Variants in ANKH observed in about 807,000 individuals in gnomAD.
The protein encoded by ANKH is ANKH inorganic pyrophosphate transport regulator.
ANKH carries 15 observed loss-of-function variants against 49.0 expected under a neutral mutation model. The ratio of observed to expected loss-of-function variants is 0.31; its 90% CI spans 0.20 to 0.47. ANKH has a LOEUF of 0.47. Among genes scored for constraint, ANKH ranks in the 20% least tolerant of loss-of-function variants. The probability of loss-of-function intolerance (pLI) is 1.00; values close to 1 mark genes in which losing one functional copy is unlikely to be tolerated. For synonymous variants in ANKH, 273 were observed against 260.0 expected (o/e 1.05, Z -0.48); for missense variants, 429 against 652.0 (o/e 0.66, Z 3.72).
intron 1 of ANKH, among the ~76,000 whole-genome samples, chr5:14,828,866 G>T (rs1398957059): frequency 2.0e-5 from 3 of 152,124 alleles, no homozygotes; most frequent in African/African-American, 7.2e-5. Flanking sequence ...TTACTCAAGA[G>T]AATTTCTTAC....
chr5:14,791,280 AG>A (rs1009980895), intron 1 of ANKH, among the ~76,000 whole-genome samples: 22 of 152,244 alleles, frequency 1.4e-4, no homozygotes, highest in Admixed American at 2.0e-4. Flanking sequence ...AGTCTGAAAG[AG>A]GTGGCCATGT....
intron 4 of ANKH, among the ~76,000 whole-genome samples, chr5:14,753,989 C>T (rs933753705): frequency 6.6e-6 from 1 of 152,132 alleles, no homozygotes; most frequent in Non-Finnish European, 1.5e-5. Flanking sequence ...ACCTAACAAA[C>T]GTTTTCAGGT....
chr5:14,731,920 C>T (rs1014448880), intron 8 of ANKH, among the ~76,000 whole-genome samples: 6 of 152,178 alleles, frequency 3.9e-5, no homozygotes, highest in South Asian at 2.1e-4. Flanking sequence ...ACGAGACACA[C>T]GGGAGGCCCA....
At chr5:14,751,832 G>C (rs117376367) in intron 4 of ANKH, among the ~76,000 whole-genome samples, 1 of 152,102 alleles carries the variant, frequency 6.6e-6, no homozygotes, top group Admixed American at 6.5e-5. Context: ...GCATTTCAAA[G>C]TACTTTGCAT....
intron 8 of ANKH, among the ~76,000 whole-genome samples, chr5:14,722,202 C>T (rs1451050900): frequency 6.6e-6 from 1 of 152,100 alleles, no homozygotes; most frequent in East Asian, 1.9e-4. Flanking sequence ...TGCTGTGTTC[C>T]TCAAATATTT....
At chr5:14,731,714 G>C (rs1467211943) in intron 8 of ANKH, among the ~76,000 whole-genome samples, 1 of 152,256 alleles carries the variant, frequency 6.6e-6, no homozygotes, top group African/African-American at 2.4e-5. Context: ...GAAGGGCCCA[G>C]TCCTTGACTG....
chr5:14,828,211 G>A (rs1004021752), intron 1 of ANKH, among the ~76,000 whole-genome samples: 1 of 152,210 alleles, frequency 6.6e-6, no homozygotes, highest in Admixed American at 6.5e-5. Context: ...CAAGCTTCTG[G>A]CTGGGAGTGG....
At chr5:14,749,429 A>G in intron 5 of ANKH, 123 bp from the exon 6 acceptor site, 2 of 1,110,860 alleles carry the variant, frequency 1.8e-6, no homozygotes, top group Non-Finnish European at 2.7e-6. Context: ...CTTGAAAGTA[A>G]TATAAGGAAA....
intron 1 of ANKH, among the ~76,000 whole-genome samples, chr5:14,831,253 CATTCCTATTG>C (rs760383920): frequency 5.9e-5 from 9 of 152,126 alleles, no homozygotes; most frequent in Non-Finnish European, 1.0e-4. Flanking sequence ...CAACCCTCTG[CATTCCTATTG>C]GAGGAATTCT....
At chr5:14,817,898 T>C (rs113719725) in intron 1 of ANKH, among the ~76,000 whole-genome samples, 3,470 of 152,112 alleles carry the variant, frequency 0.023, 59 homozygotes, top group Middle Eastern at 0.068. Context: ...ACCCCATCTC[T>C]ACTAAAAATA....
chr5:14,722,399 T>A (rs1737699218), intron 8 of ANKH, among the ~76,000 whole-genome samples: 1 of 152,202 alleles, frequency 6.6e-6, no homozygotes, highest in Admixed American at 6.5e-5. Flanking sequence ...GATCTTGGTT[T>A]TTCTATTTAT....
At chr5:14,722,815 G>A (rs912201188) in intron 8 of ANKH, among the ~76,000 whole-genome samples, 2 of 152,062 alleles carry the variant, frequency 1.3e-5, no homozygotes, top group African/African-American at 2.4e-5. Context: ...GAAGAGCACA[G>A]TGGGGAGAAA....
intron 2 of ANKH, among the ~76,000 whole-genome samples, chr5:14,767,983 C>T (rs6885132): frequency 6.6e-6 from 1 of 152,082 alleles, no homozygotes; most frequent in Non-Finnish European, 1.5e-5. Context: ...TCAATATCAA[C>T]GCTTTGGCTG....
chr5:14,753,004 C>T (rs574754988), intron 4 of ANKH, among the ~76,000 whole-genome samples: 3 of 152,118 alleles, frequency 2.0e-5, no homozygotes, highest in Non-Finnish European at 2.9e-5. Flanking sequence ...GTGAGTGTGA[C>T]AGGACAAGGG....
intron 1 of ANKH, among the ~76,000 whole-genome samples, chr5:14,774,935 C>T (rs1377137723): frequency 1.3e-5 from 2 of 152,084 alleles, no homozygotes; most frequent in Admixed American, 6.6e-5. Flanking sequence ...AAAAAAAATA[C>T]ATAGGTGCCC....
chr5:14,786,622 A>T (rs1739984531), intron 1 of ANKH, among the ~76,000 whole-genome samples: 1 of 152,212 alleles, frequency 6.6e-6, no homozygotes, highest in Non-Finnish European at 1.5e-5. Flanking sequence ...AGAAAGAAAA[A>T]CTGAAACAAG....
chr5:14,783,651 T>C (rs1355470510), intron 1 of ANKH, among the ~76,000 whole-genome samples: 1 of 152,186 alleles, frequency 6.6e-6, no homozygotes, highest in African/African-American at 2.4e-5. Context: ...AAGAATTATA[T>C]GTCCTGAATT....
intron 6 of ANKH, among the ~76,000 whole-genome samples, chr5:14,746,347 T>C (rs1054221072): frequency 1.1e-4 from 16 of 152,108 alleles, no homozygotes; most frequent in Admixed American, 3.3e-4. Context: ...CCAGAGTTTA[T>C]TATTACTCAT....
chr5:14,827,081 G>A (rs1741365834), intron 1 of ANKH, among the ~76,000 whole-genome samples: 1 of 152,174 alleles, frequency 6.6e-6, no homozygotes, highest in South Asian at 2.1e-4. Flanking sequence ...CTGTCTCCAA[G>A]GAACCTCACC....
Sources: gnomAD v4.1 joint callset for allele counts (sites outside exome capture counted in the v4.1 genomes callset) on GRCh38, gnomAD v4.1.1 for gene constraint, MANE v1.5 for transcripts, NCBI Gene and HGNC (gene_info 2026-07-23, HGNC 2026-07-21) for gene names.